Variants in FAM47E observed in about 807,000 individuals in gnomAD.
FAM47E encodes family with sequence similarity 47 member E, also known as protein FAM47E.
In FAM47E, 32 loss-of-function variants were observed where a neutral mutation model predicts 41.6. That is an observed-to-expected ratio of 0.77 (90% CI 0.58 to 1.03). The LOEUF (loss-of-function observed/expected upper bound fraction) is 1.03. Ranked by LOEUF, FAM47E falls within the 50% of genes least tolerant of loss-of-function variation. The pLI, the probability that FAM47E is intolerant of heterozygous loss-of-function variation, is 0.00. For missense variants in FAM47E, 424 were observed against 485.4 expected, an observed-to-expected ratio of 0.87 and a Z score of 1.19; for synonymous variants, 184 against 188.7, an observed-to-expected ratio of 0.98 and a Z score of 0.20.
chr4:76,260,086 A>G (rs193231376), intron 2 of FAM47E, among the ~76,000 whole-genome samples: 1 of 152,348 alleles, frequency 6.6e-6, no homozygotes, highest in Admixed American at 6.5e-5. Flanking sequence ...ATATAAAAAC[A>G]TTCCATGTTC....
At chr4:76,274,598 T>C (rs906894228) in intron 5 of FAM47E, among the ~76,000 whole-genome samples, 5 of 152,070 alleles carry the variant, frequency 3.3e-5, no homozygotes, top group Non-Finnish European at 7.4e-5. Context: ...AAAAATTTGT[T>C]GGGAAAGACC....
At chr4:76,277,682 A>T (rs1183084338) in intron 5 of FAM47E, among the ~76,000 whole-genome samples, 1 of 152,132 alleles carries the variant, frequency 6.6e-6, no homozygotes, top group African/African-American at 2.4e-5. Context: ...TTTTTACGTG[A>T]TTCCTAGCTG....
chr4:76,280,148 AG>A, intron 6 of FAM47E, 115 bp from the exon 7 acceptor site: 1 of 625,090 alleles, frequency 1.6e-6, no homozygotes, highest in East Asian at 2.8e-5. Context: ...AAAAACAAGA[AG>A]GATATGGGTT....
rs1735204425 is a variant in FAM47E at position 76,278,118 on chromosome 4, T to C, written c.920T>C (p.Leu307Ser). 11 of 1,550,892 alleles carry C rather than the reference T, an allele frequency of 7.1e-6. No individual in the cohort carries two copies. The South Asian group carries it at 1.1e-4, about 15-fold the overall frequency. ...WVKMRYGAWY[L>S]NPKLWKKQRV... Reference sequence around the variant, plus strand: ...AAGATGAGGTATGGAGCATGGTATTTGAACCCCAAGTTGTGGAAAAAGCAA... The same window carrying C: ...AAGATGAGGTATGGAGCATGGTATTCGAACCCCAAGTTGTGGAAAAAGCAA... The change falls in exon 6 of 8, where the codon TTG becomes TCG. Residue 307 changes from leucine to serine, a missense_variant. Transcript: ENST00000424749.
At chr4:76,277,927 C>A in intron 5 of FAM47E, 142 bp from the exon 6 acceptor site, 1 of 1,046,550 alleles carries the variant, frequency 9.6e-7, no homozygotes, top group Non-Finnish European at 1.3e-6. Context: ...TCAAAGCATG[C>A]TGAAACTTCA....
At chr4:76,245,090 C>CAGCTAGAATTGCTGA (rs1733796784) in intron 2 of FAM47E, among the ~76,000 whole-genome samples, 1 of 152,156 alleles carries the variant, frequency 6.6e-6, no homozygotes, top group African/African-American at 2.4e-5. Context: ...TTGCCCCCAA[C>CAGCTAGAATTGCTGA]TCACCAACAC....
intron 2 of FAM47E, among the ~76,000 whole-genome samples, chr4:76,231,052 G>A (rs187848682): frequency 6.6e-6 from 1 of 152,234 alleles, no homozygotes; most frequent in East Asian, 1.9e-4. Flanking sequence ...GTGTCTCAGG[G>A]GAGTTGCATG....
upstream of FAM47E, among the ~76,000 whole-genome samples, chr4:76,247,541 T>G (rs1404690098): frequency 6.6e-6 from 1 of 152,178 alleles, no homozygotes; most frequent in Non-Finnish European, 1.5e-5. Flanking sequence ...TGCAAGATAT[T>G]ATATTCCCAC....
chr4:76,266,456 G>T (rs900205871), intron 3 of FAM47E, among the ~76,000 whole-genome samples: 2 of 152,112 alleles, frequency 1.3e-5, no homozygotes, highest in African/African-American at 2.4e-5. Flanking sequence ...GTTGCAATCT[G>T]CCAGCAAATG....
At chr4:76,254,123 G>A (rs1734087440) in intron 1 of FAM47E, among the ~76,000 whole-genome samples, 1 of 83,024 alleles carries the variant, frequency 1.2e-5, no homozygotes, top group Admixed American at 1.2e-4. Context: ...GTGAGACCCT[G>A]TCTTGAAAAA....
At chr4:76,248,541 A>G (rs1220314994), upstream of FAM47E, among the ~76,000 whole-genome samples, 3 of 152,142 alleles carry the variant, frequency 2.0e-5, no homozygotes, top group South Asian at 2.1e-4. Context: ...TGTGCCTGAC[A>G]CACATTATAT....
At chr4:76,269,883 G>C (rs1229719063) in intron 4 of FAM47E, among the ~76,000 whole-genome samples, 1 of 151,980 alleles carries the variant, frequency 6.6e-6, no homozygotes, top group Middle Eastern at 3.4e-3. Flanking sequence ...GCCTATTCCT[G>C]TTCCTGAGTC....
At chr4:76,276,621 C>G (rs1238200444) in intron 5 of FAM47E, among the ~76,000 whole-genome samples, 2 of 152,170 alleles carry the variant, frequency 1.3e-5, no homozygotes, top group Non-Finnish European at 2.9e-5. Context: ...CCTTGGCCTT[C>G]CAAAGTGCTG....
chr4:76,277,152 A>G (rs1198385677), intron 5 of FAM47E, among the ~76,000 whole-genome samples: 1 of 152,156 alleles, frequency 6.6e-6, no homozygotes, highest in Non-Finnish European at 1.5e-5. Flanking sequence ...GAAGGGAATG[A>G]GATATGTTCA....
At chr4:76,276,368 G>GTTTTTTTTGTTTT (rs1553957220) in intron 5 of FAM47E, among the ~76,000 whole-genome samples, 1 of 149,938 alleles carries the variant, frequency 6.7e-6, no homozygotes, top group African/African-American at 2.5e-5. Flanking sequence ...TTTTTTGTTT[G>GTTTTTTTTGTTTT]TTTGTTTTTT....
Position 76,263,828 on chromosome 4 carries a change from A to G in FAM47E, c.545A>G (p.Gln182Arg), listed in dbSNP as rs773269361. 6.4e-6 allele frequency: 10 copies of G among 1,551,254 alleles called. No individual in the cohort carries two copies. The highest frequency in any genetic ancestry group is 8.7e-6 in the Non-Finnish European group (10 of 1,146,698). Residue 182 changes from glutamine to arginine, a missense_variant, in exon 3 of 8, where the codon CAA becomes CGA. By Grantham distance (43) the Gln-to-Arg change is conservative. Coordinates refer to ENST00000424749, the MANE Select transcript of FAM47E (RefSeq NM_001136570.3). ...PTKLLKKHST[Q>R]VYLGPSKKTS... The stretch of plus-strand genomic sequence containing the variant: ...AAGCTTTTAAAAAAACATTCTACCC[A>G]AGTCTACCTGGGACCGTGAGTATTG...
In FAM47E at chr4:76,283,563, T is replaced by C; in HGVS notation, c.*105T>C. On this transcript the variant is annotated 3_prime_UTR_variant, in exon 8 of 8. Transcript: ENST00000424749. ...AGAGTTTATGATGAGTGTCCCACTG[T>C]GGATGTTCAACTTTGACTTGGCAAC... 1.5e-6 allele frequency: 1 copy of C among 685,596 alleles called. No homozygotes were observed. The highest frequency in any genetic ancestry group is 2.5e-6 in the Non-Finnish European group (1 of 397,488). 42.5% of individuals were successfully genotyped at this position (685,596 alleles called of 1,614,324 possible).
chr4:76,252,464 T>G (rs1215820104), intron 1 of FAM47E, among the ~76,000 whole-genome samples: 2 of 152,174 alleles, frequency 1.3e-5, no homozygotes, highest in Non-Finnish European at 2.9e-5. Context: ...TCAGAAAGGC[T>G]TGAGTAGAAG....
At position 76,268,688 on chromosome 4, in the gene FAM47E, G is replaced by A; in HGVS notation, c.589G>A (p.Gly197Ser). 2 of 1,551,378 alleles carry A rather than the reference G, an allele frequency of 1.3e-6. No homozygotes were observed. Among genetic ancestry groups the A allele is most frequent in the Non-Finnish European group, 1.7e-6 (2 of 1,146,906 alleles). The change falls in exon 4 of 8, where the codon GGC (glycine) becomes AGC (serine). Residue 197 changes from glycine (G) to serine (S), a missense_variant. Physicochemically the swap from Gly to Ser is moderately conservative, Grantham distance 56 (BLOSUM62 0). Transcript: ENST00000424749. ...CAAGAAGACGTCTGTGTCAAACGCAGGCCAATGGCTTTATGAAGAAAAGCC... is the reference window on the plus strand; with the variant it reads ...CAAGAAGACGTCTGTGTCAAACGCAAGCCAATGGCTTTATGAAGAAAAGCC... ...PSKKTSVSNA[G>S]QWLYEEKPHK...
Sources: allele counts gnomAD v4.1 joint callset (sites outside exome capture counted in the v4.1 genomes callset), GRCh38; gene constraint gnomAD v4.1.1; transcripts MANE v1.5; gene names NCBI Gene and HGNC (gene_info 2026-07-23, HGNC 2026-07-21).